The following HSF2 variants were observed in gnomAD, a reference collection of about 807,000 sequenced individuals.
HSF2 encodes the protein heat shock factor protein 2.
In HSF2, 21 loss-of-function variants were observed where a neutral mutation model predicts 65.0. That is an observed-to-expected ratio of 0.32 (90% CI 0.23 to 0.47). The LOEUF (loss-of-function observed/expected upper bound fraction) is 0.47, where lower values mean the gene tolerates loss of function less well. Among genes scored for constraint, HSF2 ranks in the 20% least tolerant of loss-of-function variants. The pLI, the probability that HSF2 is intolerant of heterozygous loss-of-function variation, is 1.00. For synonymous variants in HSF2, 225 were observed against 219.1 expected (o/e 1.03, Z -0.24); for missense variants, 499 against 628.1 (o/e 0.79, Z 2.20).
chr6:122,406,723 T>C (rs1047713866), intron 1 of HSF2, among the ~76,000 whole-genome samples: 23 of 152,326 alleles, frequency 1.5e-4, no homozygotes, highest in African/African-American at 5.5e-4. Context: ...AGGAAAGATG[T>C]TAGAGATTCT....
chr6:122,426,955 CTAG>C (rs1774351082), intron 10 of HSF2, among the ~76,000 whole-genome samples: 1 of 152,030 alleles, frequency 6.6e-6, no homozygotes, highest in Non-Finnish European at 1.5e-5. Context: ...GTTGATGCCG[CTAG>C]TATTATACCC....
rs755367567 is a variant in HSF2 at position 122,430,707 on chromosome 6, C to G, written c.1231-723C>G. Reference sequence around the variant, plus strand: ...AGCCAGCATGTAGATCTGGGACTTGCAGATGTCTGGGACTTACAGGAAAAA... The same window carrying G: ...AGCCAGCATGTAGATCTGGGACTTGGAGATGTCTGGGACTTACAGGAAAAA... On this transcript the variant is annotated intron_variant, in intron 11 of 12. Transcript: ENST00000368455. Among the ~76,000 whole-genome samples, 95 of 152,028 alleles carry G rather than the reference C, an allele frequency of 6.2e-4. 1 individual carries two copies. The highest frequency in any genetic ancestry group is 1.1e-3 in the Non-Finnish European group (74 of 67,970).
chr6:122,417,478 G>A (rs902917642), intron 5 of HSF2, among the ~76,000 whole-genome samples: 1 of 151,946 alleles, frequency 6.6e-6, no homozygotes, highest in African/African-American at 2.4e-5. Flanking sequence ...CATTCTGTCT[G>A]CTAAAATTTG....
At chr6:122,431,801 A>G in intron 12 of HSF2, 124 bp from the exon 13 acceptor site, 2 of 777,602 alleles carry the variant, frequency 2.6e-6, no homozygotes, top group Non-Finnish European at 2.1e-6. Flanking sequence ...GCATCATGTC[A>G]TTTCTTGTTT....
At chr6:122,429,714 A>G (rs745404731) in intron 11 of HSF2, among the ~76,000 whole-genome samples, 6 of 152,164 alleles carry the variant, frequency 3.9e-5, no homozygotes, top group Non-Finnish European at 8.8e-5. Flanking sequence ...TGTTTTTAGC[A>G]TGAAAGAGTG....
At chr6:122,423,969 G>T (rs1774291108) in intron 10 of HSF2, among the ~76,000 whole-genome samples, 1 of 151,978 alleles carries the variant, frequency 6.6e-6, no homozygotes, top group South Asian at 2.1e-4. Flanking sequence ...TGGACTTGTT[G>T]CTCTTTTCTG....
At chr6:122,404,774 AC>A (rs1773827607) in intron 1 of HSF2, among the ~76,000 whole-genome samples, 1 of 152,158 alleles carries the variant, frequency 6.6e-6, no homozygotes, top group African/African-American at 2.4e-5. Context: ...GGTTTAAAAG[AC>A]AGGAAGGTGA....
At position 122,416,490 on chromosome 6, in the gene HSF2, A is replaced by G. The variant is rs74866696; in HGVS notation, c.531+194A>G. Among the ~76,000 whole-genome samples the G allele has an allele frequency of 4.0e-4, 61 of 152,350 alleles. 1 individual carries two copies. In the East Asian group the frequency reaches 0.01, roughly 25 times the overall value. On this transcript the variant is annotated intron_variant, in intron 5 of 12. Transcript: ENST00000368455. ...TTTAATAAAAAATTTCTCACTAGCT[A>G]AAGATGGTTATTCCATACTCGCAGA...
intron 10 of HSF2, 137 bp downstream of exon 10, chr6:122,423,823 T>A: frequency 2.1e-6 from 1 of 487,668 alleles, no homozygotes; most frequent in Non-Finnish European, 3.6e-6. Context: ...ATTTTGTTTA[T>A]CAGAAAGAAT....
Position 122,399,673 on chromosome 6 carries a change from T to TAGCTGCCGCCGTAGCTGCCGCCGCCGC in HSF2, c.-54_-53insTAGCTGCCGCCGCCGCAGCTGCCGCCG. ...GGGCGTTCTCGGGGAGCTGCTGCCG[T>TAGCTGCCGCCGTAGCTGCCGCCGCCGC]AGCTGCCGCCGCCGCTACCACCGCG... On this transcript the variant is annotated 5_prime_UTR_variant, in exon 1 of 13. Coordinates refer to ENST00000368455, the MANE Select transcript of HSF2 (RefSeq NM_004506.4). The TAGCTGCCGCCGTAGCTGCCGCCGCCGC allele has an allele frequency of 7.2e-7, 1 of 1,393,672 alleles. No homozygotes were observed. The highest frequency in any genetic ancestry group is 1.0e-6 in the Non-Finnish European group (1 of 992,168). 86.3% of individuals were successfully genotyped at this position (1,393,672 alleles called of 1,614,324 possible).
chr6:122,406,216 C>T (rs1562197592), intron 1 of HSF2, among the ~76,000 whole-genome samples: 1 of 152,106 alleles, frequency 6.6e-6, no homozygotes, highest in African/African-American at 2.4e-5. Context: ...TGATAACTGG[C>T]CCATAAACAG....
At chr6:122,402,335 G>C (rs888414806) in intron 1 of HSF2, among the ~76,000 whole-genome samples, 1 of 152,164 alleles carries the variant, frequency 6.6e-6, no homozygotes, top group African/African-American at 2.4e-5. Flanking sequence ...TCTCATTTGT[G>C]CTCTCCATGG....
chr6:122,426,740 T>C (rs1324205741), intron 10 of HSF2, among the ~76,000 whole-genome samples: 1 of 152,062 alleles, frequency 6.6e-6, no homozygotes, highest in Non-Finnish European at 1.5e-5. Flanking sequence ...GTGGCTTTTT[T>C]GCACCTCATT....
At chr6:122,402,802 T>C (rs1773769253) in intron 1 of HSF2, among the ~76,000 whole-genome samples, 1 of 152,188 alleles carries the variant, frequency 6.6e-6, no homozygotes, top group African/African-American at 2.4e-5. Flanking sequence ...TCCACCCGTC[T>C]CGGCCTCCCA....
chr6:122,403,847 A>G (rs575217801), intron 1 of HSF2, among the ~76,000 whole-genome samples: 96 of 152,206 alleles, frequency 6.3e-4, no homozygotes, highest in Non-Finnish European at 1.0e-3. Context: ...AAGAGAGGGC[A>G]CATATTAGCT....
intron 4 of HSF2, among the ~76,000 whole-genome samples, chr6:122,415,111 A>G (rs962070883): frequency 2.6e-5 from 4 of 152,242 alleles, no homozygotes; most frequent in African/African-American, 9.6e-5. Flanking sequence ...AAAGCATTTA[A>G]TAGGTATTCA....
chr6:122,401,838 C>T (rs1235289424), intron 1 of HSF2, among the ~76,000 whole-genome samples: 1 of 152,128 alleles, frequency 6.6e-6, no homozygotes, highest in South Asian at 2.1e-4. Context: ...TAGAGATCAT[C>T]TAGGTTAGCC....
At chr6:122,416,844 AGAG>A (rs1387376127) in intron 5 of HSF2, among the ~76,000 whole-genome samples, 1 of 152,212 alleles carries the variant, frequency 6.6e-6, no homozygotes, top group Non-Finnish European at 1.5e-5. Flanking sequence ...AAAATTTAAT[AGAG>A]GAGTTGGAAT....
rs1774475667 is a variant in HSF2, at chr6:122,431,786, A to G, written c.1316-139A>G. ...CTTGCACATTTTAAAATTTATTGAC[A>G]TAGTGCATCATGTCATTTCTTGTTT... is the stretch of plus-strand genomic sequence containing the variant. On this transcript the variant is annotated intron_variant, in intron 12 of 12. Coordinates refer to ENST00000368455, the MANE Select transcript of HSF2 (RefSeq NM_004506.4). 4.3e-5 allele frequency: 30 copies of G among 692,666 alleles called. No individual in the cohort carries two copies. The South Asian group carries it at 5.6e-4, about 13-fold the overall frequency. 42.9% of individuals were successfully genotyped at this position (692,666 alleles called of 1,614,324 possible).
Sources: gnomAD v4.1 joint callset for allele counts (sites outside exome capture counted in the v4.1 genomes callset) on GRCh38, gnomAD v4.1.1 for gene constraint, MANE v1.5 for transcripts, NCBI Gene and HGNC (gene_info 2026-07-23, HGNC 2026-07-21) for gene names.